The following STK32B variants were observed in gnomAD, a reference collection of about 807,000 sequenced individuals.
STK32B encodes serine/threonine kinase 32B.
STK32B carries 43 observed loss-of-function variants against 52.6 expected under a neutral mutation model. That is an observed-to-expected ratio of 0.82 (90% CI 0.64 to 1.05). The LOEUF (loss-of-function observed/expected upper bound fraction) is 1.05, where lower values mean the gene tolerates loss of function less well. STK32B is among the 50% of genes least tolerant of loss of function. STK32B has a pLI of 0.00. For missense variants in STK32B, 621 were observed against 534.6 expected (o/e 1.16, Z -1.59); for synonymous variants, 238 against 204.3 (o/e 1.17, Z -1.41).
At chr4:5,236,521 C>A (rs1724648214) in intron 3 of STK32B, among the ~76,000 whole-genome samples, 1 of 152,204 alleles carries the variant, frequency 6.6e-6, no homozygotes, top group African/African-American at 2.4e-5. Flanking sequence ...CTTGTGACTT[C>A]CAACTGCATC....
intron 3 of STK32B, among the ~76,000 whole-genome samples, chr4:5,243,206 A>G (rs1212651239): frequency 2.0e-5 from 3 of 152,182 alleles, no homozygotes; most frequent in Non-Finnish European, 2.9e-5. Context: ...CTTCCTACCC[A>G]TGAGCATGGA....
intron 1 of STK32B, among the ~76,000 whole-genome samples, chr4:5,059,430 T>C (rs1262703812): frequency 6.6e-6 from 1 of 152,244 alleles, no homozygotes; most frequent in Non-Finnish European, 1.5e-5. Flanking sequence ...GGCAGTTGAA[T>C]GTAAGCAAAT....
At chr4:5,119,298 AC>A (rs1430127446) in intron 1 of STK32B, among the ~76,000 whole-genome samples, 1 of 152,234 alleles carries the variant, frequency 6.6e-6, no homozygotes, top group African/African-American at 2.4e-5. Context: ...TGGACATTAG[AC>A]AGGGGAAACT....
chr4:5,362,957 A>G (rs886470720), intron 4 of STK32B, among the ~76,000 whole-genome samples: 4 of 152,192 alleles, frequency 2.6e-5, no homozygotes, highest in African/African-American at 7.2e-5. Context: ...CTCCAAACTC[A>G]GGCATTATGC....
In STK32B at chr4:5,195,289, G is replaced by A. The variant is rs71597746; in HGVS notation, c.260+26839G>A. Among the ~76,000 whole-genome samples the A allele has an allele frequency of 9.1e-3, 1,390 of 152,256 alleles. 8 individuals are homozygous for A. Among genetic ancestry groups the A allele is most frequent in the South Asian group, 0.026 (125 of 4,820 alleles). On this transcript the variant is annotated intron_variant, in intron 3 of 11. Transcript: ENST00000282908. ...TGGCTGTTTGCTCACATAGAAGTAA[G>A]GAAATGAGACATTTATAAAATGTAT...
At chr4:5,152,066 A>G (rs1329290837) in intron 2 of STK32B, among the ~76,000 whole-genome samples, 1 of 152,226 alleles carries the variant, frequency 6.6e-6, no homozygotes, top group Non-Finnish European at 1.5e-5. Flanking sequence ...CTTCTGTGGA[A>G]TCAGAGGTGA....
intron 3 of STK32B, among the ~76,000 whole-genome samples, chr4:5,196,387 T>C (rs972947682): frequency 6.7e-6 from 1 of 150,104 alleles, no homozygotes; most frequent in Non-Finnish European, 1.5e-5. Context: ...CTCATAGTTT[T>C]GTTCTGAACG....
At chr4:5,441,544 C>CA in intron 6 of STK32B, among the ~76,000 whole-genome samples, 1 of 151,470 alleles carries the variant, frequency 6.6e-6, no homozygotes, top group East Asian at 2.0e-4. Flanking sequence ...TTGATCCTTT[C>CA]AAAAAACCAG....
At chr4:5,023,403 C>A in the STK32B span, among the ~76,000 whole-genome samples, 1,236 of 152,302 alleles carry the variant, frequency 8.1e-3, 15 homozygotes, top group East Asian at 0.044. Context: ...CTGTCAAGTG[C>A]TTGTCCAGAG....
chr4:5,335,658 C>T (rs1732623239), intron 4 of STK32B, among the ~76,000 whole-genome samples: 1 of 151,908 alleles, frequency 6.6e-6, no homozygotes, highest in Non-Finnish European at 1.5e-5. Flanking sequence ...GAATGTGTCC[C>T]AGAGATTCTG....
intron 3 of STK32B, among the ~76,000 whole-genome samples, chr4:5,329,443 C>T (rs1250051392): frequency 1.3e-5 from 2 of 152,202 alleles, no homozygotes; most frequent in African/African-American, 4.8e-5. Context: ...GTCACACAGC[C>T]TGTGCGTTCC....
chr4:5,078,096 G>T (rs920372210), intron 1 of STK32B, among the ~76,000 whole-genome samples: 1 of 152,118 alleles, frequency 6.6e-6, no homozygotes, highest in Admixed American at 6.5e-5. Flanking sequence ...ATAGTGTCCA[G>T]AGCAGGAAGA....
intron 1 of STK32B, among the ~76,000 whole-genome samples, chr4:5,079,904 T>TA: frequency 6.6e-6 from 1 of 152,186 alleles, no homozygotes; most frequent in Middle Eastern, 3.4e-3. Context: ...ATGTGATCTC[T>TA]AAAAAAAGCC....
chr4:5,092,303 G>A (rs1220646868), intron 1 of STK32B, among the ~76,000 whole-genome samples: 3 of 152,150 alleles, frequency 2.0e-5, no homozygotes, highest in South Asian at 2.1e-4. Context: ...AGGCCGAGGC[G>A]GGCAGATCAC....
intron 3 of STK32B, among the ~76,000 whole-genome samples, chr4:5,320,058 G>T (rs1731385030): frequency 6.6e-6 from 1 of 152,122 alleles, no homozygotes; most frequent in Non-Finnish European, 1.5e-5. Context: ...CAGGAGGGTG[G>T]AACAGACACT....
At chr4:5,430,030 G>T (rs969017737) in intron 6 of STK32B, among the ~76,000 whole-genome samples, 6 of 151,932 alleles carry the variant, frequency 3.9e-5, no homozygotes, top group Non-Finnish European at 7.4e-5. Flanking sequence ...TTTGATTTTA[G>T]ATATGATGTA....
intron 3 of STK32B, among the ~76,000 whole-genome samples, chr4:5,266,682 T>A (rs1175349480): frequency 6.6e-6 from 1 of 152,206 alleles, no homozygotes; most frequent in Non-Finnish European, 1.5e-5. Flanking sequence ...TTGGCTTGCT[T>A]AAAGGAGCAC....
intron 1 of STK32B, among the ~76,000 whole-genome samples, chr4:5,109,991 C>G (rs914233019): frequency 4.0e-5 from 6 of 148,384 alleles, no homozygotes; most frequent in African/African-American, 1.2e-4. Flanking sequence ...TACCGAGAAC[C>G]AATCCCGTTT....
At chr4:5,389,714 A>ATAGACT (rs1276683083) in intron 4 of STK32B, among the ~76,000 whole-genome samples, 1 of 151,982 alleles carries the variant, frequency 6.6e-6, no homozygotes, top group Non-Finnish European at 1.5e-5. Flanking sequence ...GGGCTGTGCA[A>ATAGACT]TAGACTGAAA....
Sources: allele counts gnomAD v4.1 joint callset (sites outside exome capture counted in the v4.1 genomes callset), GRCh38; gene constraint gnomAD v4.1.1; transcripts MANE v1.5; gene names NCBI Gene and HGNC (gene_info 2026-07-23, HGNC 2026-07-21).